The following EPS8 variants were observed in gnomAD, a reference collection of about 807,000 sequenced individuals.
The protein encoded by EPS8 is epidermal growth factor receptor kinase substrate 8.
Under a neutral mutation model 103.8 loss-of-function variants are expected in EPS8, and 42 were observed. The observed-to-expected ratio is 0.40, with a 90% CI of 0.32 to 0.52. The LOEUF is 0.52. EPS8 is among the 20% of genes least tolerant of loss of function. The pLI, the probability that EPS8 is intolerant of heterozygous loss-of-function variation, is 0.40. For synonymous variants in EPS8, 344 were observed against 344.6 expected, an observed-to-expected ratio of 1.00 and a Z score of 0.02; for missense variants, 969 against 1,005.1, an observed-to-expected ratio of 0.96 and a Z score of 0.49.
chr12:15,725,855 T>C lies in EPS8; in HGVS notation c.-21-42883A>G, dbSNP rs971425751. Among the ~76,000 whole-genome samples, 3 of 152,258 alleles carry C rather than the reference T, an allele frequency of 2.0e-5. No homozygotes were observed. Among genetic ancestry groups the C allele is most frequent in the Admixed American group, 1.3e-4 (2 of 15,288 alleles). Reference sequence around the variant, plus strand: ...AATTTGTCTCACATCAGTAGGCTGCTTGATTGGTTCAAAAATAAGATGCAG... The same window carrying C: ...AATTTGTCTCACATCAGTAGGCTGCCTGATTGGTTCAAAAATAAGATGCAG... On this transcript the variant is annotated intron_variant, in intron 1 of 20. Transcript: ENST00000281172. This position sits in a 1 kb window ranked among gnomAD's most constrained non-coding sequence, Gnocchi z 4.5.
chr12:15,631,349 C>G, intron 18 of EPS8, 93 bp downstream of exon 18: 1 of 1,557,706 alleles, frequency 6.4e-7, no homozygotes, highest in Non-Finnish European at 8.7e-7. Flanking sequence ...GTATAAAGGA[C>G]TTTAATACAA....
Position 15,621,432 on chromosome 12 carries a change from T to C in EPS8, c.2356-2A>G. 2 of 1,561,830 alleles carry C rather than the reference T, an allele frequency of 1.3e-6. No individual in the cohort carries two copies. The highest frequency in any genetic ancestry group is 1.8e-6 in the Non-Finnish European group (2 of 1,139,112). On this transcript the variant is annotated splice_acceptor_variant, in intron 20 of 20. Coordinates refer to ENST00000281172, the MANE Select transcript of EPS8 (RefSeq NM_004447.6). LOFTEE classifies it high-confidence loss of function. ...TAACTCGGAGCTGCCACTGCTATCCTGAAAGATAAACAGTTCAGACAAGAT... is the reference window on the plus strand; with the variant it reads ...TAACTCGGAGCTGCCACTGCTATCCCGAAAGATAAACAGTTCAGACAAGAT...
In EPS8 at chr12:15,620,416, A is replaced by G. The variant is rs1439660747; in HGVS notation, c.*901T>C. The G allele has an allele frequency of 6.6e-6, 1 of 152,662 alleles. No individual in the cohort carries two copies. The highest frequency in any genetic ancestry group is 1.5e-5 in the Non-Finnish European group (1 of 68,038). The allele number at this position is 152,662 out of a possible 1,614,324, so 9.5% of individuals were successfully genotyped here. ...ATGTGGAATCTTTCACAGGATTAAAATATGTGTAAATTAAGTGCTTCTTAT... is the reference window on the plus strand; with the variant it reads ...ATGTGGAATCTTTCACAGGATTAAAGTATGTGTAAATTAAGTGCTTCTTAT... On this transcript the variant is annotated 3_prime_UTR_variant, in exon 21 of 21. Transcript: ENST00000281172.
Position 15,787,892 on chromosome 12 carries a change from C to G in EPS8, c.-22+1269G>C, listed in dbSNP as rs1451134900. 1 of 152,146 alleles carries G rather than the reference C, an allele frequency of 6.6e-6. No homozygotes were observed. Among genetic ancestry groups the G allele is most frequent in the Non-Finnish European group, 1.5e-5 (1 of 68,024 alleles). The allele number at this position is 152,146 out of a possible 1,614,324, so 9.4% of individuals were successfully genotyped here. A position where few individuals can be genotyped will look rare whatever the true frequency, so the allele number is the denominator to read the frequency against. On this transcript the variant is annotated intron_variant, in intron 1 of 20. Transcript: ENST00000281172. This position sits in a 1 kb window ranked among gnomAD's most constrained non-coding sequence, Gnocchi z 4.9. ...GAACTACAGCAATATGTTTAGAAAA[C>G]TGCGATCCCAAACAAAAAATCTATA... is the stretch of plus-strand genomic sequence containing the variant.
At position 15,647,153 on chromosome 12, in the gene EPS8, C is replaced by T. The variant is rs570566810; in HGVS notation, c.1542G>A (p.Lys514=). ...TATCTATATGGCGATTAGAAGTTGG[C>T]TTAAAAGCAACAGCAGCTTCCCCTT... The part of the protein sequence containing the change: ...LDQGEAAVAF[K]PTSNRHIDRN... Residue 514 remains lysine, a synonymous_variant, in exon 15 of 21, where the codon AAG becomes AAA. Transcript: ENST00000281172. The T allele has an allele frequency of 7.1e-5, 114 of 1,613,858 alleles. 3 individuals are homozygous for T. In the South Asian group the frequency reaches 1.2e-3, roughly 16 times the overall value.
chr12:15,646,965 G>C (rs1280881400), intron 15 of EPS8, among the ~76,000 whole-genome samples, 162 bp downstream of exon 15: 1 of 152,170 alleles, frequency 6.6e-6, no homozygotes, highest in East Asian at 1.9e-4. Flanking sequence ...ATCTTTTGTT[G>C]ATCAAAACCA....
intron 3 of EPS8, chr12:15,672,565 T>C (rs535581413): frequency 2.5e-6 from 1 of 397,340 alleles, no homozygotes; most frequent in East Asian, 3.6e-5. Context: ...TCTCTCCCAA[T>C]ATAACAAAAC....
In EPS8 at chr12:15,780,290, C is replaced by T. The variant is rs1338883325; in HGVS notation, c.-22+8871G>A. 1 of 152,042 alleles carries T rather than the reference C, an allele frequency of 6.6e-6. No homozygotes were observed. Among genetic ancestry groups the T allele is most frequent in the Non-Finnish European group, 1.5e-5 (1 of 68,020 alleles). 9.4% of individuals were successfully genotyped at this position (152,042 alleles called of 1,614,324 possible). A position where few individuals can be genotyped will look rare whatever the true frequency, so the allele number is the denominator to read the frequency against. Reference sequence around the variant, plus strand: ...TGAATGTGGGAATGTGCAGAATTTCCCACCACTCCCATCATGCCAACCTAT... The same window carrying T: ...TGAATGTGGGAATGTGCAGAATTTCTCACCACTCCCATCATGCCAACCTAT... On this transcript the variant is annotated intron_variant, in intron 1 of 20. Coordinates refer to ENST00000281172, the MANE Select transcript of EPS8 (RefSeq NM_004447.6). This position sits in a 1 kb window ranked among gnomAD's most constrained non-coding sequence, Gnocchi z 4.1.
At position 15,706,421 on chromosome 12, in the gene EPS8, T is replaced by C. The variant is rs1946387887; in HGVS notation, c.-21-23449A>G. Among the ~76,000 whole-genome samples the C allele has an allele frequency of 6.6e-6, 1 of 150,440 alleles. No homozygotes were observed. Among genetic ancestry groups the C allele is most frequent in the Non-Finnish European group, 1.5e-5 (1 of 67,718 alleles). On this transcript the variant is annotated intron_variant, in intron 1 of 20. Coordinates refer to ENST00000281172, the MANE Select transcript of EPS8 (RefSeq NM_004447.6). The surrounding 1 kb of genome is among the most constrained non-coding windows in gnomAD (Gnocchi z 5.2). ...TTTATATCTTTGCCTATCTAAATCTTGTATCTCAGCTTAAATGGCCCCTTC... is the reference window on the plus strand; with the variant it reads ...TTTATATCTTTGCCTATCTAAATCTCGTATCTCAGCTTAAATGGCCCCTTC...
At chr12:15,676,781 C>T (rs754195236) in intron 3 of EPS8, among the ~76,000 whole-genome samples, 18 of 152,118 alleles carry the variant, frequency 1.2e-4, no homozygotes, top group African/African-American at 4.3e-4. Context: ...GTAAGTGTTA[C>T]GGTGTCAGTG....
rs1430599289 is a variant in EPS8, at chr12:15,736,068, G to A, written c.-22+53093C>T. ...ACCCAGCTAATTTTTAAATTCTTTT[G>A]TAGAGATAAGGTCTCACTATGTTGC... is the stretch of plus-strand genomic sequence containing the variant. On this transcript the variant is annotated intron_variant, in intron 1 of 20. Transcript: ENST00000281172. This position sits in a 1 kb window ranked among gnomAD's most constrained non-coding sequence, Gnocchi z 4.2. 6.6e-6 allele frequency among the ~76,000 whole-genome samples: 1 copy of A among 151,990 alleles called. No homozygotes were observed. Among genetic ancestry groups the A allele is most frequent in the Non-Finnish European group, 1.5e-5 (1 of 68,012 alleles).
Position 15,667,609 on chromosome 12 carries a change from T to C in EPS8, c.517-1087A>G, listed in dbSNP as rs79480308. 2.9e-3 allele frequency among the ~76,000 whole-genome samples: 436 copies of C among 152,236 alleles called. 2 individuals are homozygous for C. Among genetic ancestry groups the C allele is most frequent in the African/African-American group, 9.0e-3 (376 of 41,570 alleles). ...TCTTCAACTTCTTATACTGGGGCTA[T>C]TATATTTCTAAGAAAAATTTTACTG... On this transcript the variant is annotated intron_variant, in intron 6 of 20. Transcript: ENST00000281172.
chr12:15,679,304 C>T (rs1297567227), intron 3 of EPS8, among the ~76,000 whole-genome samples: 3 of 152,150 alleles, frequency 2.0e-5, no homozygotes, highest in Non-Finnish European at 4.4e-5. Flanking sequence ...TGCCTAAATT[C>T]CTTAGTATAA....
intron 12 of EPS8, among the ~76,000 whole-genome samples, chr12:15,655,118 G>A (rs1260995461): frequency 1.3e-5 from 2 of 152,054 alleles, no homozygotes; most frequent in Non-Finnish European, 2.9e-5. Flanking sequence ...GGTGTTCTCA[G>A]CATGCTATAC....
chr12:15,642,988 G>C, intron 15 of EPS8, among the ~76,000 whole-genome samples: 1 of 152,220 alleles, frequency 6.6e-6, no homozygotes, highest in East Asian at 1.9e-4. Flanking sequence ...AAAATTGGTG[G>C]AAAAGGTGAA....
At chr12:15,669,560 T>C in intron 5 of EPS8, 24 bp from the exon 6 acceptor site, 3 of 1,577,906 alleles carry the variant, frequency 1.9e-6, no homozygotes, top group Non-Finnish European at 2.6e-6. Flanking sequence ...GAACATTTTA[T>C]TTTGTCAAAC....
chr12:15,703,190 C>T (rs1946334883), intron 1 of EPS8, among the ~76,000 whole-genome samples: 1 of 152,080 alleles, frequency 6.6e-6, no homozygotes, highest in Non-Finnish European at 1.5e-5. Context: ...AAAATAAGTT[C>T]ATTTGGTATT....
intron 18 of EPS8, among the ~76,000 whole-genome samples, chr12:15,626,779 T>C (rs1265459016): frequency 6.6e-6 from 1 of 152,082 alleles, no homozygotes; most frequent in Non-Finnish European, 1.5e-5. Context: ...CCCTTCACTC[T>C]TGCTCCCAAT....
chr12:15,786,242 C>T (rs889939255), intron 1 of EPS8, among the ~76,000 whole-genome samples: 2 of 151,996 alleles, frequency 1.3e-5, no homozygotes, highest in East Asian at 1.9e-4. Flanking sequence ...GAAAATGGCA[C>T]GTTACCTCTG....
Sources: gnomAD v4.1 joint callset for allele counts (sites outside exome capture counted in the v4.1 genomes callset) on GRCh38, gnomAD v4.1.1 for gene constraint, Gnocchi (gnomAD v3.1) non-coding constraint, MANE v1.5 for transcripts, NCBI Gene and HGNC (gene_info 2026-07-23, HGNC 2026-07-21) for gene names.